The following ZFHX4 variants were observed in gnomAD, a reference collection of about 807,000 sequenced individuals.
ZFHX4 encodes the protein zinc finger homeobox protein 4.
ZFHX4 carries 56 observed loss-of-function variants against 267.6 expected under a neutral mutation model. The observed-to-expected ratio is 0.21, with a 90% CI of 0.17 to 0.26. ZFHX4 has a LOEUF of 0.26. ZFHX4 is among the 10% of genes least tolerant of loss of function. The pLI, the probability that ZFHX4 is intolerant of heterozygous loss-of-function variation, is 1.00. For synonymous variants in ZFHX4, 1,778 were observed against 1,665.6 expected, an observed-to-expected ratio of 1.07 and a Z score of -1.64; for missense variants, 4,332 against 4,420.0, an observed-to-expected ratio of 0.98 and a Z score of 0.56.
At chr8:76,682,552 C>T (rs963367837) in intron 1 of ZFHX4, 6 of 152,292 alleles carry the variant, frequency 3.9e-5, no homozygotes, top group African/African-American at 1.4e-4. Context: ...GGCCAGGGAC[C>T]CGCGAGGCGG....
intron 4 of ZFHX4, among the ~76,000 whole-genome samples, chr8:76,812,958 A>G (rs1269244336): frequency 6.6e-6 from 1 of 152,186 alleles, no homozygotes. Context: ...TGAATGTTTA[A>G]GATAGTGATG....
chr8:76,854,278 C>A lies in ZFHX4; in HGVS notation c.7357C>A (p.Pro2453Thr), dbSNP rs772356228. 8 of 1,593,316 alleles carry A rather than the reference C, an allele frequency of 5.0e-6. No homozygotes were observed. The highest frequency in any genetic ancestry group is 6.0e-6 in the Non-Finnish European group (7 of 1,169,704). The change falls in exon 10 of 11, where the codon CCA (proline) becomes ACA (threonine). Residue 2453 changes from proline (P) to threonine (T), a missense_variant. Coordinates refer to ENST00000651372, the MANE Select transcript of ZFHX4 (RefSeq NM_024721.5). The part of the protein sequence containing the change: ...TAQPQPQPQP[P>T]KQPQLIGRPP... ...CCAGCCACAGCCACAGCCACAGCCA[C>A]CAAAACAACCCCAACTTATCGGAAG...
intron 4 of ZFHX4, among the ~76,000 whole-genome samples, chr8:76,804,297 AC>A (rs1721481843): frequency 6.6e-6 from 1 of 152,124 alleles, no homozygotes; most frequent in African/African-American, 2.4e-5. Flanking sequence ...AATCAATCAT[AC>A]TTTTAATTTT....
At chr8:76,777,943 A>C (rs1810443024) in intron 3 of ZFHX4, among the ~76,000 whole-genome samples, 1 of 149,286 alleles carries the variant, frequency 6.7e-6, no homozygotes. Flanking sequence ...TTTTCTTTGC[A>C]TATATCTGTT....
intron 1 of ZFHX4, 101 bp from the exon 2 acceptor site, chr8:76,703,942 A>T: frequency 1.2e-6 from 1 of 852,842 alleles, no homozygotes; most frequent in Non-Finnish European, 1.8e-6. Context: ...TTACCTTTTT[A>T]GATAGTCACG....
At chr8:76,752,024 A>T (rs1351419199) in intron 3 of ZFHX4, among the ~76,000 whole-genome samples, 2 of 152,176 alleles carry the variant, frequency 1.3e-5, no homozygotes, top group Non-Finnish European at 2.9e-5. Context: ...CTAGTTGTAT[A>T]TATTCCCATG....
In ZFHX4 at chr8:76,727,315, A is replaced by T. The variant is rs142612299; in HGVS notation, c.3093+19267A>T. On this transcript the variant is annotated intron_variant, in intron 3 of 10. Transcript: ENST00000651372. ...TTCCATCGTTTTCAACACTCATAAT[A>T]TTTTCACAGAAGATGATGTACTGTT... Among the ~76,000 whole-genome samples the T allele has an allele frequency of 7.2e-3, 1,100 of 152,096 alleles. 14 individuals are homozygous for T. The highest frequency in any genetic ancestry group is 0.025 in the African/African-American group (1,041 of 41,476).
chr8:76,773,571 G>T (rs2131757448), intron 3 of ZFHX4, among the ~76,000 whole-genome samples: 1 of 152,196 alleles, frequency 6.6e-6, no homozygotes, highest in East Asian at 1.9e-4. Flanking sequence ...TGATACAAAA[G>T]ACGTGTAAAC....
At chr8:76,837,574 T>C (rs1812125038) in intron 5 of ZFHX4, among the ~76,000 whole-genome samples, 1 of 151,826 alleles carries the variant, frequency 6.6e-6, no homozygotes, top group Admixed American at 6.6e-5. Context: ...AAATAGGGGC[T>C]GGGGTAGCAT....
intron 3 of ZFHX4, among the ~76,000 whole-genome samples, chr8:76,732,970 T>C (rs1429730107): frequency 1.3e-5 from 2 of 151,744 alleles, no homozygotes; most frequent in East Asian, 4.1e-4. Flanking sequence ...GAGTTAAATA[T>C]CCACTCAGAG....
chr8:76,832,031 T>C (rs184998379), intron 4 of ZFHX4, among the ~76,000 whole-genome samples: 1 of 151,740 alleles, frequency 6.6e-6, no homozygotes, highest in East Asian at 2.0e-4. Context: ...TTTATTATGA[T>C]TGTATTGTTT....
chr8:76,691,979 GAA>G (rs892514097), intron 1 of ZFHX4, among the ~76,000 whole-genome samples: 1 of 152,074 alleles, frequency 6.6e-6, no homozygotes, highest in African/African-American at 2.4e-5. Context: ...AGAGGTGGGG[GAA>G]AGGAGTAGTA....
intron 4 of ZFHX4, among the ~76,000 whole-genome samples, chr8:76,800,556 A>G (rs1444356318): frequency 6.6e-6 from 1 of 152,168 alleles, no homozygotes; most frequent in African/African-American, 2.4e-5. Context: ...TCATTGCTTA[A>G]TAAGGGCATT....
chr8:76,819,322 G>A (rs986735931), intron 4 of ZFHX4, among the ~76,000 whole-genome samples: 1 of 152,074 alleles, frequency 6.6e-6, no homozygotes, highest in Non-Finnish European at 1.5e-5. Flanking sequence ...TTCATGGAAT[G>A]TGGAATAATG....
At position 76,705,542 on chromosome 8, in the gene ZFHX4, A is replaced by C. The variant is rs748737410; in HGVS notation, c.1454A>C (p.Glu485Ala). ...GCGTACTCCAATGAACTTGATGACGAGGAAGTATTAGGTGAACTCACCGAT... is the reference window on the plus strand; with the variant it reads ...GCGTACTCCAATGAACTTGATGACGCGGAAGTATTAGGTGAACTCACCGAT... ...EDAYSNELDD[E>A]EVLGELTDSI... The change falls in exon 2 of 11, where the codon GAG (glutamate) becomes GCG (alanine). Residue 485 changes from glutamate (E) to alanine (A), a missense_variant. Physicochemically the swap from Glu to Ala is moderately radical, Grantham distance 107 (BLOSUM62 -1). Transcript: ENST00000651372. The C allele has an allele frequency of 6.2e-7, 1 of 1,613,590 alleles. No individual in the cohort carries two copies. Among genetic ancestry groups the C allele is most frequent in the Non-Finnish European group, 8.5e-7 (1 of 1,179,674 alleles).
chr8:76,850,482 C>A, intron 9 of ZFHX4, 120 bp downstream of exon 9: 1 of 827,030 alleles, frequency 1.2e-6, no homozygotes, highest in Non-Finnish European at 1.8e-6. Context: ...AAAATGTATG[C>A]CATTTCAAAG....
At chr8:76,689,781 A>G (rs1232393323) in intron 1 of ZFHX4, among the ~76,000 whole-genome samples, 1 of 152,112 alleles carries the variant, frequency 6.6e-6, no homozygotes, top group Non-Finnish European at 1.5e-5. Context: ...GAATAGAATC[A>G]AATATTTGCC....
intron 3 of ZFHX4, among the ~76,000 whole-genome samples, chr8:76,766,192 T>C (rs1249323727): frequency 6.6e-6 from 1 of 152,128 alleles, no homozygotes; most frequent in Non-Finnish European, 1.5e-5. Context: ...AAAAAATTGA[T>C]CATTTAGGCC....
rs370788068 is a variant in ZFHX4 at position 76,863,408 on chromosome 8, G to A, written c.9694G>A (p.Val3232Ile). Residue 3232 changes from valine to isoleucine, a missense_variant, in exon 11 of 11, where the codon GTT becomes ATT. Around this residue, in one of 7 missense-constraint regions of ZFHX4, gnomAD observed 1,648 missense variants for 1,625.0 expected, o/e 1.01. Coordinates refer to ENST00000651372, the MANE Select transcript of ZFHX4 (RefSeq NM_024721.5). ...ATCTGCTCTTTCAGTGTTGGGCAAA[G>A]TTGTAGGTGAAACACATGTCGATCC... Reference protein sequence around the residue: ...ISSALSVLGKVVGETHVDPIQ... With the variant: ...ISSALSVLGKIVGETHVDPIQ... 2.5e-6 allele frequency: 4 copies of A among 1,613,864 alleles called. No individual in the cohort carries two copies. In the African/African-American group the frequency reaches 5.3e-5, roughly 22 times the overall value.
Sources: gnomAD v4.1 joint callset for allele counts (sites outside exome capture counted in the v4.1 genomes callset) on GRCh38, gnomAD v4.1.1 for gene constraint, gnomAD v4.1.1 regional missense constraint, MANE v1.5 for transcripts, NCBI Gene and HGNC (gene_info 2026-07-23, HGNC 2026-07-21) for gene names.